PPP1R36: variants seen among roughly 807,000 people sequenced by gnomAD.
PPP1R36 encodes the protein protein phosphatase 1 regulatory subunit 36.
PPP1R36 carries 47 observed loss-of-function variants against 53.4 expected under a neutral mutation model. That is an observed-to-expected ratio of 0.88 (90% CI 0.70 to 1.12). PPP1R36 has a LOEUF of 1.12. Ranked by LOEUF, PPP1R36 falls within the 50% of genes most tolerant of loss-of-function variation. PPP1R36 has a pLI of 0.00. For synonymous variants in PPP1R36, 153 were observed against 170.5 expected (o/e 0.90, Z 0.80); for missense variants, 456 against 513.9 (o/e 0.89, Z 1.09).
chr14:64,557,040 C>T (rs2080160960), intron 3 of PPP1R36, among the ~76,000 whole-genome samples: 1 of 151,858 alleles, frequency 6.6e-6, no homozygotes, highest in Admixed American at 6.6e-5. Flanking sequence ...GCCATGTGCC[C>T]AGGCTGGTCT....
chr14:64,581,418 G>C (rs1394981473), intron 8 of PPP1R36, among the ~76,000 whole-genome samples: 1 of 152,126 alleles, frequency 6.6e-6, no homozygotes, highest in East Asian at 1.9e-4. Context: ...GTGGGGGTCT[G>C]AGTTTCTGAA....
intron 3 of PPP1R36, among the ~76,000 whole-genome samples, chr14:64,562,903 G>T (rs2080215837): frequency 1.3e-5 from 2 of 151,856 alleles, no homozygotes; most frequent in South Asian, 4.1e-4. Context: ...TTTCACTCTT[G>T]TTGCCCAGGC....
chr14:64,586,864 C>G lies in PPP1R36; in HGVS notation c.696C>G (p.Asp232Glu), dbSNP rs753558952. 1 of 1,612,216 alleles carries G rather than the reference C, an allele frequency of 6.2e-7. No homozygotes were observed. The highest frequency in any genetic ancestry group is 2.2e-5 in the East Asian group (1 of 44,808). The change falls in exon 9 of 12, where the codon GAC becomes GAG. Residue 232 changes from aspartate (D) to glutamate (E), a missense_variant. By Grantham distance (45) the Asp-to-Glu change is conservative. Coordinates refer to ENST00000298705, the MANE Select transcript of PPP1R36 (RefSeq NM_172365.3). Reference sequence around the variant, plus strand: ...AGAAAATATCAGATACACAGAAAGACTGGAAGTTCTTTGAGGTGAGTCACT... The same window carrying G: ...AGAAAATATCAGATACACAGAAAGAGTGGAAGTTCTTTGAGGTGAGTCACT... ...GKEKISDTQK[D>E]WKFFESFYTF...
At position 64,564,500 on chromosome 14, in the gene PPP1R36, C is replaced by T. The variant is rs1306459412; in HGVS notation, c.183-251C>T. ...CTTTCTGTTTCTTATGAAGTTACTACAATATTTTTCAGATATTCTGTGTGT... is the reference window on the plus strand; with the variant it reads ...CTTTCTGTTTCTTATGAAGTTACTATAATATTTTTCAGATATTCTGTGTGT... On this transcript the variant is annotated intron_variant, in intron 3 of 11. Coordinates refer to ENST00000298705, the MANE Select transcript of PPP1R36 (RefSeq NM_172365.3). Among the ~76,000 whole-genome samples, 3 of 152,174 alleles carry T rather than the reference C, an allele frequency of 2.0e-5. No homozygotes were observed. The East Asian group carries it at 5.8e-4, about 29-fold the overall frequency.
At chr14:64,552,712 TATTA>T in intron 2 of PPP1R36, 98 bp from the exon 3 acceptor site, 1 of 835,242 alleles carries the variant, frequency 1.2e-6, no homozygotes, top group Non-Finnish European at 2.0e-6. Flanking sequence ...CTTAACATTT[TATTA>T]GAGTCAAAAT....
In PPP1R36 at chr14:64,577,718, C is replaced by CTTTTT. The variant is rs10667127; in HGVS notation, c.668+3150_668+3154dup. Among the ~76,000 whole-genome samples the CTTTTT allele has an allele frequency of 3.4e-3, 322 of 94,418 alleles. 11 individuals carry two copies. Among genetic ancestry groups the CTTTTT allele is most frequent in the East Asian group, 0.012 (36 of 3,038 alleles). The allele number at this position is 94,418 out of a possible 152,430, so 61.9% of individuals were successfully genotyped here. ...TTTTTAAGCTTTGCTGCCATGATTACTTTTTTTTTTTTTTTTTTTTTTTTT... is the reference window on the plus strand; with the variant it reads ...TTTTTAAGCTTTGCTGCCATGATTACTTTTTTTTTTTTTTTTTTTTTTTTTTTTTT... On this transcript the variant is annotated intron_variant, in intron 8 of 11. Coordinates refer to ENST00000298705, the MANE Select transcript of PPP1R36 (RefSeq NM_172365.3).
rs57102182 is a variant in PPP1R36, at chr14:64,585,516, CAAA to C, written c.669-1299_669-1297del. Among the ~76,000 whole-genome samples, 430 of 109,154 alleles carry C rather than the reference CAAA, an allele frequency of 3.9e-3. 1 individual carries two copies. Among genetic ancestry groups the C allele is most frequent in the African/African-American group, 0.016 (413 of 25,874 alleles). The allele number at this position is 109,154 out of a possible 152,430, so 71.6% of individuals were successfully genotyped here. ...TGGATGACAGAATGAGACCCTGTCT[CAAA>C]AAAAAAAAAAAAAAAAAAAAATTAG... On this transcript the variant is annotated intron_variant, in intron 8 of 11. Coordinates refer to ENST00000298705, the MANE Select transcript of PPP1R36 (RefSeq NM_172365.3).
chr14:64,568,485 A>G (rs192633768), intron 7 of PPP1R36, 38 bp downstream of exon 7: 1 of 925,330 alleles, frequency 1.1e-6, no homozygotes, highest in Non-Finnish European at 1.6e-6. Flanking sequence ...GAGTTTTATC[A>G]CTGCCAGTAT....
chr14:64,578,025 T>G (rs1356375249), intron 8 of PPP1R36, among the ~76,000 whole-genome samples: 1 of 138,034 alleles, frequency 7.2e-6, no homozygotes. Flanking sequence ...GCACCTGGCC[T>G]TTTTTTTTTG....
At chr14:64,574,404 G>A (rs764699202) in intron 7 of PPP1R36, 51 bp from the exon 8 acceptor site, 2 of 1,547,568 alleles carry the variant, frequency 1.3e-6, no homozygotes, top group East Asian at 4.5e-5. Flanking sequence ...AGTTAATATA[G>A]GCACTTATGA....
At chr14:64,561,846 A>C (rs1418522013) in intron 3 of PPP1R36, 1 of 455,892 alleles carries the variant, frequency 2.2e-6, no homozygotes, top group African/African-American at 2.0e-5. Context: ...TGCCAAGGTC[A>C]TGGACTCCCC....
intron 3 of PPP1R36, chr14:64,561,716 T>C (rs576909199): frequency 1.3e-5 from 6 of 454,312 alleles, no homozygotes; most frequent in South Asian, 9.3e-5. Flanking sequence ...ACAGGCATCA[T>C]CTAGGTTGGC....
At chr14:64,580,305 A>T (rs2080378868) in intron 8 of PPP1R36, among the ~76,000 whole-genome samples, 1 of 152,214 alleles carries the variant, frequency 6.6e-6, no homozygotes, top group Non-Finnish European at 1.5e-5. Context: ...CCCTGCCTCA[A>T]AAAAATTTTT....
In PPP1R36 at chr14:64,557,692, CAAAG is replaced by C. The variant is rs531540315; in HGVS notation, c.182+4837_182+4840del. Among the ~76,000 whole-genome samples the C allele has an allele frequency of 1.7e-4, 26 of 152,142 alleles. 1 individual carries two copies. The South Asian group carries it at 5.4e-3, about 32-fold the overall frequency. Reference sequence around the variant, plus strand: ...ACTGCTCTCAAGAATAGGAGACAGGCAAAGAAAGAGGAATTGGCCAAAGACAGAG... The same window carrying C: ...ACTGCTCTCAAGAATAGGAGACAGGCAAAGAGGAATTGGCCAAAGACAGAG... On this transcript the variant is annotated intron_variant, in intron 3 of 11. Transcript: ENST00000298705.
Position 64,588,247 on chromosome 14 carries a change from C to A in PPP1R36, c.1034C>A (p.Ala345Asp). Residue 345 changes from alanine to aspartate, a missense_variant, in exon 11 of 12, where the codon GCC (alanine) becomes GAC (aspartate). Transcript: ENST00000298705. ...KYHQVDVRFP[A>D]EMQKHVGTLD... ...CATCAAGTAGACGTCAGATTCCCAG[C>A]CGAGATGCAAAAGCATGTGGGAACT... 1 of 1,613,878 alleles carries A rather than the reference C, an allele frequency of 6.2e-7. No individual in the cohort carries two copies. The highest frequency in any genetic ancestry group is 8.5e-7 in the Non-Finnish European group (1 of 1,179,852).
Position 64,550,933 on chromosome 14 carries a change from C to T in PPP1R36, c.82C>T (p.Arg28Ter). Residue 28 changes from arginine to a stop codon, truncating the protein, a stop_gained, in exon 2 of 12, where the codon CGA becomes TGA. Coordinates refer to ENST00000298705, the MANE Select transcript of PPP1R36 (RefSeq NM_172365.3). LOFTEE classifies it high-confidence loss of function. Reference protein sequence around the residue: ...TPYLMDQLGLRLGMWYWKDET... With the variant: ...TPYLMDQLGL ...TTTCGTTTTACAGCAGTTGGGATTA[C>T]GATTAGGGATGTGGTACTGGAAAGA... is the stretch of plus-strand genomic sequence containing the variant. 3 of 1,607,696 alleles carry T rather than the reference C, an allele frequency of 1.9e-6. No homozygotes were observed. The highest frequency in any genetic ancestry group is 2.5e-6 in the Non-Finnish European group (3 of 1,177,418).
rs182289273 is a variant in PPP1R36, at chr14:64,558,444, T to A, written c.182+5583T>A. On this transcript the variant is annotated intron_variant, in intron 3 of 11. Transcript: ENST00000298705. ...AATGGACAAAATTAGCTGAGCATGG[T>A]AGTGTGTGCCTGTGGTTCCAGATAC... 1.7e-3 allele frequency among the ~76,000 whole-genome samples: 260 copies of A among 151,840 alleles called. 1 individual carries two copies. The highest frequency in any genetic ancestry group is 6.0e-3 in the African/African-American group (248 of 41,406).
At chr14:64,581,871 A>C (rs2080392552) in intron 8 of PPP1R36, among the ~76,000 whole-genome samples, 1 of 152,158 alleles carries the variant, frequency 6.6e-6, no homozygotes. Context: ...ATTTTGATGA[A>C]CACGTTCAGT....
Position 64,566,442 on chromosome 14 carries a change from CAA to C in PPP1R36, c.434+766_434+767del, listed in dbSNP as rs55703167. Among the ~76,000 whole-genome samples the C allele has an allele frequency of 3.3e-3, 439 of 133,444 alleles. 1 individual carries two copies. Among genetic ancestry groups the C allele is most frequent in the East Asian group, 0.011 (51 of 4,602 alleles). The allele number at this position is 133,444 out of a possible 152,430, so 87.5% of individuals were successfully genotyped here. A position where few individuals can be genotyped will look rare whatever the true frequency, so the allele number is the denominator to read the frequency against. On this transcript the variant is annotated intron_variant, in intron 6 of 11. Transcript: ENST00000298705. The stretch of plus-strand genomic sequence containing the variant: ...TGGGCGACAGAGCAAGACTCCCTCT[CAA>C]AAAAAAAAAAAAAAAGATATACCCA...
Sources: allele counts gnomAD v4.1 joint callset (sites outside exome capture counted in the v4.1 genomes callset), GRCh38; gene constraint gnomAD v4.1.1; transcripts MANE v1.5; gene names NCBI Gene and HGNC (gene_info 2026-07-23, HGNC 2026-07-21).